The following PPEF2 variants were observed in gnomAD, a reference collection of about 807,000 sequenced individuals.
PPEF2 encodes the protein protein phosphatase with EF-hand domain 2, also known as serine/threonine-protein phosphatase with EF-hands 2.
PPEF2 carries 84 observed loss-of-function variants against 84.7 expected under a neutral mutation model. That is an observed-to-expected ratio of 0.99 (90% CI 0.83 to 1.19). The LOEUF (loss-of-function observed/expected upper bound fraction) is 1.19. PPEF2 is among the 50% of genes most tolerant of loss of function. The pLI, the probability that PPEF2 is intolerant of heterozygous loss-of-function variation, is 0.00. For synonymous variants in PPEF2, 346 were observed against 345.2 expected (o/e 1.00, Z -0.03); for missense variants, 924 against 937.5 (o/e 0.99, Z 0.19).
chr4:75,876,577 T>C lies in PPEF2; in HGVS notation c.1030A>G (p.Ile344Val). The C allele has an allele frequency of 6.2e-7, 1 of 1,613,986 alleles. No homozygotes were observed. ...CGGCTTTCGGGGAGAAACCATGGGA[T>C]GGGTCCCTGTGCAGAGCTCTTCTGG... ...ANQKSSAQGP[I>V]PWFLPESRSL... is the part of the protein sequence containing the mutation. Residue 344 changes from isoleucine to valine, a missense_variant, in exon 11 of 17, where the codon ATC becomes GTC. By Grantham distance (29) the Ile-to-Val change is conservative (BLOSUM62 3). Coordinates refer to ENST00000286719, the MANE Select transcript of PPEF2 (RefSeq NM_006239.3).
intron 1 of PPEF2, 92 bp from the exon 2 acceptor site, chr4:75,896,475 C>A (rs1306502773): frequency 5.5e-6 from 4 of 724,912 alleles, no homozygotes; most frequent in Non-Finnish European, 9.7e-6. Flanking sequence ...GTGAGAGTAT[C>A]CTCTCCACCT....
At chr4:75,866,447 T>C (rs1229389373) in intron 14 of PPEF2, 95 bp from the exon 15 acceptor site, 1 of 1,453,034 alleles carries the variant, frequency 6.9e-7, no homozygotes, top group Non-Finnish European at 9.4e-7. Context: ...CTTCTTACTA[T>C]CTGCAGGTAA....
Position 75,860,707 on chromosome 4 carries a change from T to C in PPEF2, c.2222A>G (p.Asn741Ser). The C allele has an allele frequency of 1.2e-6, 2 of 1,614,242 alleles. No homozygotes were observed. Among genetic ancestry groups the C allele is most frequent in the Non-Finnish European group, 1.7e-6 (2 of 1,180,026 alleles). ...ACTGCTGCAGCCACTGTCTTTAGCA[T>C]TTGTAGCTTGTGGGCATTCTGAGGC... ...GDASECPQAT[N>S]AKDSGCSSPG... Residue 741 changes from asparagine (N) to serine (S), a missense_variant, in exon 17 of 17, where the codon AAT (asparagine) becomes AGT (serine). Physicochemically the swap from Asn to Ser is conservative, Grantham distance 46. Coordinates refer to ENST00000286719, the MANE Select transcript of PPEF2 (RefSeq NM_006239.3).
At chr4:75,898,720 T>A (rs1725060659) in intron 1 of PPEF2, among the ~76,000 whole-genome samples, 1 of 152,224 alleles carries the variant, frequency 6.6e-6, no homozygotes, top group African/African-American at 2.4e-5. Context: ...TTATGCCTTA[T>A]TTATTTTTTG....
At chr4:75,870,875 T>C (rs1394917) in intron 13 of PPEF2, among the ~76,000 whole-genome samples, 16,037 of 63,554 alleles carry the variant, frequency 0.25, 2,772 homozygotes, top group African/African-American at 0.49. Context: ...TCTCAAAAGC[T>C]ACCATTTATT....
intron 11 of PPEF2, among the ~76,000 whole-genome samples, chr4:75,874,277 T>C (rs1438567517): frequency 6.6e-6 from 1 of 151,900 alleles, no homozygotes; most frequent in African/African-American, 2.4e-5. Context: ...TTGGTTATTG[T>C]CATTTAATAC....
chr4:75,870,826 T>C (rs1023926746), intron 13 of PPEF2, among the ~76,000 whole-genome samples: 1 of 152,114 alleles, frequency 6.6e-6, no homozygotes, highest in African/African-American at 2.4e-5. Flanking sequence ...CTTTATAACA[T>C]TTTGTGGTTG....
chr4:75,864,784 G>T (rs1724089088), intron 15 of PPEF2, among the ~76,000 whole-genome samples: 1 of 152,062 alleles, frequency 6.6e-6, no homozygotes, highest in Non-Finnish European at 1.5e-5. Flanking sequence ...TGTCTGAAAT[G>T]CTTGGGACCA....
At chr4:75,870,024 T>C (rs1162644562) in intron 13 of PPEF2, among the ~76,000 whole-genome samples, 2 of 152,234 alleles carry the variant, frequency 1.3e-5, no homozygotes, top group Non-Finnish European at 2.9e-5. Flanking sequence ...AATCAGGTGA[T>C]GTTGTACTTA....
rs925754087 is a variant in PPEF2 at position 75,860,265 on chromosome 4, C to T, written c.*402G>A. On this transcript the variant is annotated 3_prime_UTR_variant, in exon 17 of 17. Coordinates refer to ENST00000286719, the MANE Select transcript of PPEF2 (RefSeq NM_006239.3). ...CAGGAGGCTGAGGCAGGAGAATCGC[C>T]TGGGAGGCGGACTTTGCGGTGAGCC... 1.0e-5 allele frequency: 2 copies of T among 190,526 alleles called. No homozygotes were observed. Among genetic ancestry groups the T allele is most frequent in the Non-Finnish European group, 2.2e-5 (2 of 92,112 alleles). 11.8% of individuals were successfully genotyped at this position (190,526 alleles called of 1,614,324 possible).
At position 75,864,493 on chromosome 4, in the gene PPEF2, CG is replaced by C; in HGVS notation, c.1954del (p.Arg652GlufsTer6). On this transcript the variant is annotated frameshift_variant, in exon 16 of 17. Transcript: ENST00000286719. LOFTEE classifies it high-confidence loss of function. ...AATGGTCTCTAGGTTGGATCGGTTT[CG>C]ATACAATGTTTCCAGCAAACTTGAT... ...IQSSLLETLY[R>X]NRSNLETIFR... is the part of the protein sequence containing the mutation. 1 of 1,613,060 alleles carries C rather than the reference CG, an allele frequency of 6.2e-7. No homozygotes were observed. The highest frequency in any genetic ancestry group is 1.1e-5 in the South Asian group (1 of 91,048).
At chr4:75,876,704 TG>T (rs765157449) in intron 10 of PPEF2, 31 bp from the exon 11 acceptor site, 2 of 1,510,992 alleles carry the variant, frequency 1.3e-6, no homozygotes, top group South Asian at 2.7e-5. Context: ...ATACAGATGC[TG>T]GAATGAAACT....
At chr4:75,873,012 C>A in intron 12 of PPEF2, 115 bp downstream of exon 12, 3 of 1,033,376 alleles carry the variant, frequency 2.9e-6, no homozygotes, top group East Asian at 5.0e-5. Context: ...AAGTAGGTAA[C>A]AAATACAAGG....
chr4:75,889,903 C>T, intron 5 of PPEF2, 54 bp downstream of exon 5: 6 of 1,586,600 alleles, frequency 3.8e-6, no homozygotes, highest in Non-Finnish European at 5.2e-6. Flanking sequence ...GTTTCGTCTC[C>T]CTTCACACAT....
In PPEF2 at chr4:75,864,494, G is replaced by A. The variant is rs898897801; in HGVS notation, c.1954C>T (p.Arg652Ter). 1.4e-5 allele frequency: 22 copies of A among 1,612,930 alleles called. No individual in the cohort carries two copies. The highest frequency in any genetic ancestry group is 1.6e-4 in the Middle Eastern group (1 of 6,084). The change falls in exon 16 of 17, where the codon CGA becomes TGA. Residue 652 changes from arginine to a stop codon, truncating the protein, a stop_gained. Transcript: ENST00000286719. LOFTEE classifies it high-confidence loss of function. ...IQSSLLETLY[R>*]NRSNLETIFR... is the part of the protein sequence containing the mutation. ...ATGGTCTCTAGGTTGGATCGGTTTCGATACAATGTTTCCAGCAAACTTGAT... is the reference window on the plus strand; with the variant it reads ...ATGGTCTCTAGGTTGGATCGGTTTCAATACAATGTTTCCAGCAAACTTGAT...
Position 75,860,723 on chromosome 4 carries a change from A to G in PPEF2, c.2206T>C (p.Cys736Arg). 1.2e-6 allele frequency: 2 copies of G among 1,614,258 alleles called. No homozygotes were observed. The highest frequency in any genetic ancestry group is 1.7e-5 in the Admixed American group (1 of 60,024). Residue 736 changes from cysteine (C) to arginine (R), a missense_variant, in exon 17 of 17, where the codon TGC (cysteine) becomes CGC (arginine). By Grantham distance (180) the Cys-to-Arg change is radical. Transcript: ENST00000286719. ...KSCPEGDASE[C>R]PQATNAKDSG... is the part of the protein sequence containing the mutation. ...TCTTTAGCATTTGTAGCTTGTGGGC[A>G]TTCTGAGGCATCGCCCTCTGGGCAG...
intron 11 of PPEF2, among the ~76,000 whole-genome samples, chr4:75,874,082 T>G (rs540001387): frequency 2.0e-5 from 3 of 150,764 alleles, no homozygotes; most frequent in Non-Finnish European, 4.4e-5. Context: ...CACTCCAGCC[T>G]GGGTGACAGA....
chr4:75,877,039 A>AAAGAAAGAAAGAAAGAAAGAAAG (rs149782164), intron 10 of PPEF2, among the ~76,000 whole-genome samples: 280 of 135,606 alleles, frequency 2.1e-3, no homozygotes, highest in Middle Eastern at 7.4e-3. Flanking sequence ...AGAAAGAAAG[A>AAAGAAAGAAAGAAAGAAAGAAAG]AAAGAAACAG....
At chr4:75,879,025 A>C (rs1292335728) in intron 10 of PPEF2, among the ~76,000 whole-genome samples, 1 of 152,130 alleles carries the variant, frequency 6.6e-6, no homozygotes, top group African/African-American at 2.4e-5. Flanking sequence ...ATTCACACAC[A>C]TTCCTCTCCT....
Sources: gnomAD v4.1 joint callset for allele counts (sites outside exome capture counted in the v4.1 genomes callset) on GRCh38, gnomAD v4.1.1 for gene constraint, MANE v1.5 for transcripts, NCBI Gene and HGNC (gene_info 2026-07-23, HGNC 2026-07-21) for gene names.